ITGB6: variants seen among roughly 807,000 people sequenced by gnomAD.
ITGB6 encodes the protein integrin beta-6.
ITGB6 carries 80 observed loss-of-function variants against 84.5 expected under a neutral mutation model. That is an observed-to-expected ratio of 0.95 (90% CI 0.79 to 1.14). The LOEUF (loss-of-function observed/expected upper bound fraction) is 1.14, where lower values mean the gene tolerates loss of function less well. Among genes scored for constraint, ITGB6 ranks in the 50% most tolerant of loss-of-function variants. ITGB6 has a pLI of 0.00. For missense variants in ITGB6, 1,006 were observed against 968.0 expected (o/e 1.04, Z -0.52); for synonymous variants, 383 against 354.9 (o/e 1.08, Z -0.89).
intron 2 of ITGB6, 26 bp from the exon 3 acceptor site, chr2:160,196,446 A>G: frequency 6.4e-7 from 1 of 1,562,396 alleles, no homozygotes; most frequent in Non-Finnish European, 8.7e-7. Context: ...AAAAACAATA[A>G]CCAGAAAAAG....
At chr2:160,138,264 C>T (rs1574075824) in intron 8 of ITGB6, 65 bp from the exon 9 acceptor site, 1 of 1,440,992 alleles carries the variant, frequency 6.9e-7, no homozygotes, top group South Asian at 1.5e-5. Context: ...GAAGAAGAAA[C>T]CGTGAATCAT....
At chr2:160,117,993 T>G (rs1165283166) in intron 12 of ITGB6, among the ~76,000 whole-genome samples, 4 of 152,056 alleles carry the variant, frequency 2.6e-5, no homozygotes, top group Non-Finnish European at 5.9e-5. Context: ...AATAGACCAA[T>G]ACAGGCTCTG....
intron 12 of ITGB6, 43 bp from the exon 13 acceptor site, chr2:160,112,242 A>G: frequency 6.4e-7 from 1 of 1,556,240 alleles, no homozygotes; most frequent in Non-Finnish European, 8.8e-7. Context: ...CAAGATTCCA[A>G]AAGAGATTGT....
chr2:160,121,420 A>G (rs1241020006), intron 12 of ITGB6, among the ~76,000 whole-genome samples: 2 of 152,194 alleles, frequency 1.3e-5, no homozygotes, highest in African/African-American at 4.8e-5. Context: ...TAATGTTTTC[A>G]TATCTAGGGT....
At chr2:160,118,962 T>C (rs553446795) in intron 12 of ITGB6, among the ~76,000 whole-genome samples, 3 of 152,242 alleles carry the variant, frequency 2.0e-5, no homozygotes, top group South Asian at 4.2e-4. Flanking sequence ...TTACAAGGGA[T>C]GTGAAGGATC....
chr2:160,111,340 A>C (rs1164797587), intron 13 of ITGB6, among the ~76,000 whole-genome samples: 4 of 152,212 alleles, frequency 2.6e-5, no homozygotes, highest in Non-Finnish European at 2.9e-5. Flanking sequence ...TTATTTTGTA[A>C]GACAGATAAT....
intron 2 of ITGB6, among the ~76,000 whole-genome samples, chr2:160,196,796 C>T (rs542214822): frequency 2.1e-4 from 32 of 152,116 alleles, no homozygotes; most frequent in Admixed American, 1.9e-3. Context: ...TGACATCATC[C>T]CATGAATTTA....
intron 3 of ITGB6, 76 bp downstream of exon 3, chr2:160,196,140 C>G: frequency 8.4e-7 from 1 of 1,191,776 alleles, no homozygotes; most frequent in Non-Finnish European, 1.2e-6. Context: ...TAATATGATA[C>G]AAGACACATT....
intron 13 of ITGB6, 72 bp downstream of exon 13, chr2:160,112,008 C>T (rs905662494): frequency 1.9e-5 from 28 of 1,476,860 alleles, no homozygotes; most frequent in Admixed American, 6.5e-5. Flanking sequence ...CTACCCAGAG[C>T]GATTTTCTGG....
chr2:160,112,332 G>T, intron 12 of ITGB6, 133 bp from the exon 13 acceptor site: 1 of 822,736 alleles, frequency 1.2e-6, no homozygotes, highest in Non-Finnish European at 1.9e-6. Context: ...GAGAGGCATA[G>T]GTTTTTTTTT....
chr2:160,119,360 C>T (rs984794620), intron 12 of ITGB6, among the ~76,000 whole-genome samples: 3 of 151,950 alleles, frequency 2.0e-5, no homozygotes, highest in African/African-American at 4.8e-5. Flanking sequence ...GAAATAATGC[C>T]GCATATCTAC....
chr2:160,183,223 T>C (rs923491697), intron 4 of ITGB6, among the ~76,000 whole-genome samples: 1 of 152,116 alleles, frequency 6.6e-6, no homozygotes, highest in East Asian at 1.9e-4. Context: ...TCAAGACCCA[T>C]TGGTGTGTAT....
At chr2:160,173,418 G>A (rs1685293952) in intron 5 of ITGB6, among the ~76,000 whole-genome samples, 1 of 152,112 alleles carries the variant, frequency 6.6e-6, no homozygotes, top group Admixed American at 6.6e-5. Context: ...CCTTCTAGGA[G>A]CTTCAGCCCT....
At chr2:160,127,766 ATG>A (rs1174261842) in intron 10 of ITGB6, among the ~76,000 whole-genome samples, 3 of 152,240 alleles carry the variant, frequency 2.0e-5, no homozygotes, top group African/African-American at 7.2e-5. Flanking sequence ...TTTGATGTGA[ATG>A]TGTGTCTCTG....
Position 160,121,300 on chromosome 2 carries a change from A to G in ITGB6, c.1981+2491T>C, listed in dbSNP as rs114541809. Among the ~76,000 whole-genome samples the G allele has an allele frequency of 9.4e-3, 1,435 of 152,304 alleles. 30 individuals are homozygous for G. The highest frequency in any genetic ancestry group is 0.032 in the African/African-American group (1,348 of 41,556). The stretch of plus-strand genomic sequence containing the variant: ...CCCTTGCCATTCCTGATGATTCACA[A>G]TGCACATTTAATTTAAATGTATAAC... On this transcript the variant is annotated intron_variant, in intron 12 of 14. Transcript: ENST00000283249.
intron 12 of ITGB6, among the ~76,000 whole-genome samples, chr2:160,115,672 G>C (rs1351425126): frequency 6.6e-6 from 1 of 152,228 alleles, no homozygotes. Context: ...GAATGACTTT[G>C]ATGAATTGAG....
intron 4 of ITGB6, among the ~76,000 whole-genome samples, chr2:160,181,746 T>G (rs184935058): frequency 5.4e-4 from 82 of 152,232 alleles, no homozygotes; most frequent in African/African-American, 1.9e-3. Flanking sequence ...GAGCTCCAAT[T>G]GACATCTGGC....
chr2:160,176,295 C>G (rs1350866655), intron 4 of ITGB6, among the ~76,000 whole-genome samples: 3 of 152,194 alleles, frequency 2.0e-5, no homozygotes, highest in African/African-American at 4.8e-5. Flanking sequence ...GGCCGAGGCT[C>G]TTGGATGGAT....
At chr2:160,154,924 C>G (rs1419573309) in intron 7 of ITGB6, among the ~76,000 whole-genome samples, 2 of 152,162 alleles carry the variant, frequency 1.3e-5, no homozygotes, top group African/African-American at 2.4e-5. Context: ...GAGAAGGGGC[C>G]TGGTTGGAGG....
Sources: allele counts gnomAD v4.1 joint callset (sites outside exome capture counted in the v4.1 genomes callset), GRCh38; gene constraint gnomAD v4.1.1; transcripts MANE v1.5; gene names NCBI Gene and HGNC (gene_info 2026-07-23, HGNC 2026-07-21).